MTHFD1L: variants seen among roughly 807,000 people sequenced by gnomAD.
MTHFD1L encodes the protein methylenetetrahydrofolate dehydrogenase (NADP+ dependent) 1 like.
MTHFD1L carries 81 observed loss-of-function variants against 119.5 expected under a neutral mutation model. That is an observed-to-expected ratio of 0.68 (90% confidence interval 0.57 to 0.82). The LOEUF (loss-of-function observed/expected upper bound fraction) is 0.82, where lower values mean the gene tolerates loss of function less well. MTHFD1L is among the 40% of genes least tolerant of loss of function. MTHFD1L has a pLI of 0.00. For missense variants in MTHFD1L, 1,125 were observed against 1,253.4 expected, an observed-to-expected ratio of 0.90 and a Z score of 1.55; for synonymous variants, 430 against 475.2, an observed-to-expected ratio of 0.90 and a Z score of 1.24.
intron 23 of MTHFD1L, 132 bp downstream of exon 23, chr6:151,015,112 T>A: frequency 1.4e-6 from 1 of 701,712 alleles, no homozygotes; most frequent in Non-Finnish European, 2.3e-6. Flanking sequence ...TTCTTTCTGT[T>A]TGTTTATTTG....
chr6:150,951,729 AT>A (rs1368737477), intron 16 of MTHFD1L, among the ~76,000 whole-genome samples: 7 of 151,926 alleles, frequency 4.6e-5, no homozygotes, highest in African/African-American at 7.3e-5. Context: ...TTCTTTGAAA[AT>A]TTTTTTTATA....
At chr6:150,938,835 C>G (rs1009800863) in intron 13 of MTHFD1L, 90 bp downstream of exon 13, 3 of 1,452,722 alleles carry the variant, frequency 2.1e-6, no homozygotes, top group African/African-American at 2.8e-5. Context: ...CCCACAGACC[C>G]TCATCCATAA....
At chr6:150,935,663 C>T (rs1197823468) in intron 11 of MTHFD1L, 12 of 848,880 alleles carry the variant, frequency 1.4e-5, no homozygotes, top group Non-Finnish European at 2.0e-5. Context: ...TGTCTGCCCT[C>T]CTGGATGCTA....
intron 26 of MTHFD1L, among the ~76,000 whole-genome samples, chr6:151,072,792 A>T (rs1444821109): frequency 6.6e-6 from 1 of 151,872 alleles, no homozygotes; most frequent in Non-Finnish European, 1.5e-5. Context: ...TGGATGACAG[A>T]GTGATACTCT....
chr6:150,887,739 G>A (rs56061537), intron 6 of MTHFD1L, 106 bp from the exon 7 acceptor site: 40,062 of 1,230,582 alleles, frequency 0.033, 768 homozygotes, highest in Non-Finnish European at 0.04. Flanking sequence ...TTATAGGCAT[G>A]AGCCACCACA....
intron 13 of MTHFD1L, among the ~76,000 whole-genome samples, chr6:150,943,406 G>T (rs768859132): frequency 3.3e-5 from 5 of 152,098 alleles, no homozygotes; most frequent in African/African-American, 7.2e-5. Context: ...TGAAGCGAGA[G>T]GATCACTTGA....
intron 8 of MTHFD1L, among the ~76,000 whole-genome samples, chr6:150,910,286 G>A (rs975359858): frequency 2.6e-5 from 4 of 151,984 alleles, no homozygotes; most frequent in South Asian, 2.1e-4. Flanking sequence ...ATTCTTGGCC[G>A]GATGCGGTGG....
At chr6:151,000,458 A>G (rs1034578697) in intron 20 of MTHFD1L, among the ~76,000 whole-genome samples, 1 of 152,232 alleles carries the variant, frequency 6.6e-6, no homozygotes, top group African/African-American at 2.4e-5. Context: ...GATATTTAAT[A>G]AAACTAAACA....
chr6:151,083,054 C>T (rs1027244655), intron 26 of MTHFD1L, among the ~76,000 whole-genome samples: 1 of 152,148 alleles, frequency 6.6e-6, no homozygotes, highest in East Asian at 1.9e-4. Flanking sequence ...GTTTCTGCAC[C>T]TGTAGATGGG....
chr6:151,093,824 G>T (rs1004248144), intron 27 of MTHFD1L, among the ~76,000 whole-genome samples: 8 of 152,174 alleles, frequency 5.3e-5, no homozygotes, highest in Admixed American at 3.9e-4. Context: ...TAACTAGAGG[G>T]CCCCATGGGT....
chr6:151,065,919 C>A (rs1364901867), intron 26 of MTHFD1L, among the ~76,000 whole-genome samples: 1 of 152,202 alleles, frequency 6.6e-6, no homozygotes. Flanking sequence ...CTCACACAGG[C>A]AAAGACTACT....
At position 150,949,123 on chromosome 6, in the gene MTHFD1L, G is replaced by A. The variant is rs1374452744; in HGVS notation, c.1716G>A (p.Thr572=). The change falls in exon 16 of 28, where the codon ACG becomes ACA. Residue 572 remains threonine (T), a synonymous_variant. Coordinates refer to ENST00000367321, the MANE Select transcript of MTHFD1L (RefSeq NM_015440.5). ...ARLDIDPSTI[T]WQRVLDTNDR... ...TCGACATCGACCCATCTACCATCAC[G>A]TGGCAGAGAGGTGGGTGCTGGGGAG... 5 of 1,613,724 alleles carry A rather than the reference G, an allele frequency of 3.1e-6. No individual in the cohort carries two copies. The highest frequency in any genetic ancestry group is 1.6e-4 in the Middle Eastern group (1 of 6,082).
At position 151,092,474 on chromosome 6, in the gene MTHFD1L, C is replaced by A. The variant is rs777595295; in HGVS notation, c.2855C>A (p.Thr952Asn). The A allele has an allele frequency of 1.1e-5, 17 of 1,613,206 alleles. No homozygotes were observed. Among genetic ancestry groups the A allele is most frequent in the Non-Finnish European group, 1.4e-5 (17 of 1,179,750 alleles). Reference protein sequence around the residue: ...FIYPLVGTMSTMPGLPTRPCF... With the variant: ...FIYPLVGTMSNMPGLPTRPCF... ...CTTGGTTTTCTCCCCCAGATGAGCA[C>A]CATGCCAGGACTGCCCACCCGGCCC... The change falls in exon 27 of 28, where the codon ACC becomes AAC. Residue 952 changes from threonine to asparagine, a missense_variant. Physicochemically the swap from Thr to Asn is moderately conservative, Grantham distance 65. Transcript: ENST00000367321.
At chr6:150,886,358 C>T (rs1447258433) in intron 6 of MTHFD1L, among the ~76,000 whole-genome samples, 1 of 150,814 alleles carries the variant, frequency 6.6e-6, no homozygotes, top group Non-Finnish European at 1.5e-5. Flanking sequence ...ATCGCTTGAG[C>T]CCAGGAGTTT....
intron 1 of MTHFD1L, chr6:150,866,633 A>G (rs1032932295): frequency 8.3e-7 from 1 of 1,207,024 alleles, no homozygotes; most frequent in Non-Finnish European, 1.0e-6. Context: ...CGGAACGGCA[A>G]AGGTGGAGCC....
intron 20 of MTHFD1L, among the ~76,000 whole-genome samples, chr6:150,978,950 A>G (rs1330048898): frequency 1.3e-5 from 2 of 152,148 alleles, no homozygotes; most frequent in Admixed American, 6.6e-5. Flanking sequence ...CCATTAAAAA[A>G]TAATTTTAGC....
chr6:150,925,414 C>T (rs1789762023), intron 10 of MTHFD1L, among the ~76,000 whole-genome samples: 2 of 152,082 alleles, frequency 1.3e-5, no homozygotes, highest in Non-Finnish European at 2.9e-5. Context: ...GTATCCAGAC[C>T]ACTCCTGTAA....
intron 26 of MTHFD1L, among the ~76,000 whole-genome samples, chr6:151,081,498 C>CAAAAAAAAGAA (rs1793161527): frequency 1.0e-5 from 1 of 98,194 alleles, no homozygotes; most frequent in Non-Finnish European, 2.0e-5. Flanking sequence ...ACTAAAAATG[C>CAAAAAAAAGAA]AAAAAAAAAA....
chr6:150,988,257 G>A (rs372952822), intron 20 of MTHFD1L, among the ~76,000 whole-genome samples: 33 of 152,092 alleles, frequency 2.2e-4, no homozygotes, highest in African/African-American at 7.7e-4. Flanking sequence ...AAAAATATCC[G>A]TTACATAATA....
Sources: gnomAD v4.1 joint callset for allele counts (sites outside exome capture counted in the v4.1 genomes callset) on GRCh38, gnomAD v4.1.1 for gene constraint, MANE v1.5 for transcripts, NCBI Gene and HGNC (gene_info 2026-07-23, HGNC 2026-07-21) for gene names.